The following SYNE1 variants were observed in gnomAD, a reference collection of about 807,000 sequenced individuals.
The protein encoded by SYNE1 is nesprin-1.
SYNE1 carries 616 observed loss-of-function variants against 1,111.0 expected under a neutral mutation model. That is an observed-to-expected ratio of 0.55 (90% confidence interval 0.52 to 0.59). The LOEUF (loss-of-function observed/expected upper bound fraction) is 0.59, where lower values mean the gene tolerates loss of function less well. SYNE1 is among the 20% of genes least tolerant of loss of function. The pLI, the probability that SYNE1 is intolerant of heterozygous loss-of-function variation, is 0.00. For synonymous variants in SYNE1, 3,855 were observed against 3,825.8 expected (o/e 1.01, Z -0.28); for missense variants, 10,006 against 10,417.0 (o/e 0.96, Z 1.72).
At chr6:152,151,055 A>C (rs977925190) in intron 135 of SYNE1, among the ~76,000 whole-genome samples, 1 of 152,010 alleles carries the variant, frequency 6.6e-6, no homozygotes, top group African/African-American at 2.4e-5. Flanking sequence ...TTACTAAAAA[A>C]ATACAAAAAT....
rs145296264 is a variant in SYNE1, at chr6:152,313,387, C to T, written c.16711-2514G>A. Among the ~76,000 whole-genome samples, 49 of 151,392 alleles carry T rather than the reference C, an allele frequency of 3.2e-4. 1 individual carries two copies. Among genetic ancestry groups the T allele is most frequent in the African/African-American group, 1.2e-3 (49 of 40,738 alleles). On this transcript the variant is annotated intron_variant, in intron 87 of 145. Coordinates refer to ENST00000367255, the MANE Select transcript of SYNE1 (RefSeq NM_182961.4). ...ATAGGTGTCATCCTCATTTACCCAG[C>T]CCCTATTCAGGCCCCTACGAAGTCA...
intron 51 of SYNE1, among the ~76,000 whole-genome samples, chr6:152,393,191 AC>A (rs2097674220): frequency 6.6e-6 from 1 of 152,158 alleles, no homozygotes; most frequent in Admixed American, 6.5e-5. Context: ...ACAATGAGGA[AC>A]ATAAAAGACC....
intron 12 of SYNE1, among the ~76,000 whole-genome samples, chr6:152,487,630 T>A (rs550715158): frequency 2.4e-4 from 36 of 152,358 alleles, no homozygotes; most frequent in Non-Finnish European, 1.3e-4. Context: ...GGTGTTGGAC[T>A]AGGCAGGTCG....
intron 3 of SYNE1, among the ~76,000 whole-genome samples, chr6:152,608,591 C>T (rs141648936): frequency 1.2e-4 from 19 of 152,296 alleles, no homozygotes; most frequent in African/African-American, 4.1e-4. Flanking sequence ...TAACTAAATG[C>T]TTGACTTTGT....
Position 152,230,664 on chromosome 6 carries a change from T to G in SYNE1, c.21078A>C (p.Glu7026Asp). 9 of 1,614,072 alleles carry G rather than the reference T, an allele frequency of 5.6e-6. No individual in the cohort carries two copies. Among genetic ancestry groups the G allele is most frequent in the Non-Finnish European group, 6.8e-6 (8 of 1,179,980 alleles). Residue 7026 changes from glutamate to aspartate, a missense_variant, in exon 115 of 146, where the codon GAA becomes GAC. Transcript: ENST00000367255. ...LLEGLLESWS[E>D]YENNVQCLKT... The stretch of plus-strand genomic sequence containing the variant: ...TCAGACATTGTACATTATTTTCATA[T>G]TCTGACCAAGATTCCAATAAGCCTT...
Position 152,451,468 on chromosome 6 carries a change from ATTTTTTTTTTTT to A in SYNE1, c.3028-275_3028-264del, listed in dbSNP as rs145882121. ...AATTTTCACAGTAGCCCTGCACCGT[ATTTTTTTTTTTT>A]TTTTTTTTTTTTTTTTTGGTGAGAT... On this transcript the variant is annotated intron_variant, in intron 25 of 145. Coordinates refer to ENST00000367255, the MANE Select transcript of SYNE1 (RefSeq NM_182961.4). Among the ~76,000 whole-genome samples the A allele has an allele frequency of 8.9e-3, 445 of 49,842 alleles. 3 individuals are homozygous for A. Among genetic ancestry groups the A allele is most frequent in the African/African-American group, 0.027 (324 of 11,956 alleles). The allele number at this position is 49,842 out of a possible 152,430, so 32.7% of individuals were successfully genotyped here.
chr6:152,289,191 G>A (rs968946581), intron 95 of SYNE1, among the ~76,000 whole-genome samples: 1 of 152,112 alleles, frequency 6.6e-6, no homozygotes, highest in Non-Finnish European at 1.5e-5. Context: ...GCAGCTACCC[G>A]ACAATATATG....
At chr6:152,314,468 TG>T (rs931334233) in intron 87 of SYNE1, among the ~76,000 whole-genome samples, 11 of 152,152 alleles carry the variant, frequency 7.2e-5, no homozygotes, top group African/African-American at 2.4e-4. Flanking sequence ...AAACCCCTGG[TG>T]GGCGGTTGGG....
intron 3 of SYNE1, among the ~76,000 whole-genome samples, chr6:152,620,341 G>A (rs1744383): frequency 0.71 from 108,477 of 151,882 alleles, 38,792 homozygotes; most frequent in East Asian, 0.82. Context: ...TCCCTGGGTG[G>A]TGCCAACCAA....
chr6:152,491,235 T>C (rs889097882), intron 11 of SYNE1, among the ~76,000 whole-genome samples: 21 of 151,916 alleles, frequency 1.4e-4, no homozygotes, highest in African/African-American at 5.1e-4. Context: ...TGGGGATGCC[T>C]GCCTGATTAT....
intron 125 of SYNE1, 108 bp downstream of exon 125, chr6:152,207,864 G>A (rs1345219106): frequency 1.0e-6 from 1 of 994,786 alleles, no homozygotes; most frequent in African/African-American, 1.6e-5. Flanking sequence ...AACAATGTTT[G>A]TCCCAGCTGC....
chr6:152,428,105 T>C (rs1437484355), intron 37 of SYNE1, 100 bp downstream of exon 37: 1 of 1,502,048 alleles, frequency 6.7e-7, no homozygotes, highest in Non-Finnish European at 9.2e-7. Flanking sequence ...CAAGTTCACG[T>C]CTTTTGCATC....
At position 152,602,612 on chromosome 6, in the gene SYNE1, A is replaced by C. The variant is rs201671115; in HGVS notation, c.67+25653T>G. Reference sequence around the variant, plus strand: ...ACTTTCCACAGGCCCATGTTACTCAATTCTTCATTTAAACAAAATGCCTCT... The same window carrying C: ...ACTTTCCACAGGCCCATGTTACTCACTTCTTCATTTAAACAAAATGCCTCT... On this transcript the variant is annotated intron_variant, in intron 3 of 145. Coordinates refer to ENST00000367255, the MANE Select transcript of SYNE1 (RefSeq NM_182961.4). Among the ~76,000 whole-genome samples, 3 of 152,176 alleles carry C rather than the reference A, an allele frequency of 2.0e-5. No individual in the cohort carries two copies. In the East Asian group the frequency reaches 5.8e-4, roughly 29 times the overall value.
At position 152,413,537 on chromosome 6, in the gene SYNE1, A is replaced by G. The variant is rs1171413264; in HGVS notation, c.6051-6T>C. The G allele has an allele frequency of 6.2e-7, 1 of 1,613,556 alleles. No individual in the cohort carries two copies. Among genetic ancestry groups the G allele is most frequent in the Non-Finnish European group, 8.5e-7 (1 of 1,179,598 alleles). ...GCTGATTAAACACTCTTAACCTGTG[A>G]ATTAAAATGTTATTTTCCTATTAAT... On this transcript the variant is annotated splice_polypyrimidine_tract_variant and splice_region_variant and intron_variant, in intron 41 of 145. Transcript: ENST00000367255.
At chr6:152,237,331 A>G (rs907412200) in intron 108 of SYNE1, among the ~76,000 whole-genome samples, 1 of 126,734 alleles carries the variant, frequency 7.9e-6, no homozygotes, top group African/African-American at 3.1e-5. Flanking sequence ...TTTTTTTTAG[A>G]TAGGCTCTCA....
intron 80 of SYNE1, among the ~76,000 whole-genome samples, chr6:152,325,751 C>T (rs925999684): frequency 1.3e-5 from 2 of 152,162 alleles, no homozygotes; most frequent in African/African-American, 2.4e-5. Flanking sequence ...AAGCAAATTG[C>T]TCTGAACATC....
At chr6:152,481,094 A>G in intron 14 of SYNE1, 1 of 240,644 alleles carries the variant, frequency 4.2e-6, no homozygotes, top group Non-Finnish European at 8.3e-6. Context: ...ACTACTGTCT[A>G]TAGTGTGCCT....
chr6:152,364,983 T>A lies in SYNE1; in HGVS notation c.10009A>T (p.Met3337Leu). The change falls in exon 63 of 146, where the codon ATG becomes TTG. Residue 3337 changes from methionine (M) to leucine (L), a missense_variant. Coordinates refer to ENST00000367255, the MANE Select transcript of SYNE1 (RefSeq NM_182961.4). ...TCTCCCCTGGTCACTATCATTTTCATCTGAATCTCTTTTTCCTGTTTGACT... is the reference window on the plus strand; with the variant it reads ...TCTCCCCTGGTCACTATCATTTTCAACTGAATCTCTTTTTCCTGTTTGACT... Reference protein sequence around the residue: ...LSVKQEKEIQMKMIVTRGESV... With the variant: ...LSVKQEKEIQLKMIVTRGESV... 6.2e-7 allele frequency: 1 copy of A among 1,614,248 alleles called. No homozygotes were observed. Among genetic ancestry groups the A allele is most frequent in the East Asian group, 2.2e-5 (1 of 44,878 alleles).
chr6:152,287,263 G>A (rs1259823123), intron 95 of SYNE1, among the ~76,000 whole-genome samples: 2 of 151,908 alleles, frequency 1.3e-5, no homozygotes, highest in Non-Finnish European at 2.9e-5. Context: ...AGAAAGAGGT[G>A]AAAATTCTTC....
Sources: allele counts gnomAD v4.1 joint callset (sites outside exome capture counted in the v4.1 genomes callset), GRCh38; gene constraint gnomAD v4.1.1; transcripts MANE v1.5; gene names NCBI Gene and HGNC (gene_info 2026-07-23, HGNC 2026-07-21).